Variants in NRXN1 observed in about 807,000 individuals in gnomAD.
NRXN1 encodes neurexin 1.
A neutral mutation model predicts 150.9 loss-of-function variants in NRXN1; 39 were observed. The ratio of observed to expected loss-of-function variants is 0.26; its 90% CI spans 0.20 to 0.34. The LOEUF is 0.34. NRXN1 is among the 10% of genes least tolerant of loss of function. The pLI, the probability that NRXN1 is intolerant of heterozygous loss-of-function variation, is 1.00. For missense variants in NRXN1, 1,815 were observed against 1,949.9 expected (o/e 0.93, Z 1.30); for synonymous variants, 924 against 757.0 (o/e 1.22, Z -3.62).
chr2:50,304,922 T>C (rs2074478276), intron 17 of NRXN1, among the ~76,000 whole-genome samples: 1 of 152,068 alleles, frequency 6.6e-6, no homozygotes, highest in Non-Finnish European at 1.5e-5. Context: ...AAACCCCGTG[T>C]CTACTAAAAA....
chr2:51,006,430 T>C (rs945549974), intron 2 of NRXN1, among the ~76,000 whole-genome samples: 3 of 151,782 alleles, frequency 2.0e-5, no homozygotes, highest in African/African-American at 4.8e-5. Flanking sequence ...AGCATTAGGA[T>C]ATATACCTAA....
intron 15 of NRXN1, among the ~76,000 whole-genome samples, chr2:50,482,629 A>C (rs1450113758): frequency 6.6e-6 from 1 of 152,094 alleles, no homozygotes; most frequent in East Asian, 1.9e-4. Context: ...CTTTTTTCAG[A>C]AGCTTTTGAA....
intron 2 of NRXN1, among the ~76,000 whole-genome samples, chr2:51,004,325 T>G (rs987477702): frequency 1.3e-5 from 2 of 151,990 alleles, no homozygotes; most frequent in Non-Finnish European, 2.9e-5. Context: ...ACATAAAGTA[T>G]TTGCTTTCAG....
intron 17 of NRXN1, among the ~76,000 whole-genome samples, chr2:50,430,324 T>C (rs1572942015): frequency 6.7e-6 from 1 of 148,700 alleles, no homozygotes; most frequent in African/African-American, 2.5e-5. Context: ...CAATGACTCC[T>C]GGGCAGGTAG....
intron 5 of NRXN1, among the ~76,000 whole-genome samples, chr2:50,787,423 A>C (rs542275418): frequency 1.3e-5 from 2 of 151,946 alleles, no homozygotes; most frequent in East Asian, 3.9e-4. Flanking sequence ...TTAGCCAAGC[A>C]TGTTGGCGGG....
chr2:50,243,731 A>T (rs539861605), intron 17 of NRXN1, among the ~76,000 whole-genome samples: 2 of 151,952 alleles, frequency 1.3e-5, no homozygotes, highest in South Asian at 4.1e-4. Flanking sequence ...TTTTAAGGGG[A>T]TCAGAGGAGG....
At position 50,091,411 on chromosome 2, in the gene NRXN1, C is replaced by A. The variant is rs200865423; in HGVS notation, c.3630G>T (p.Gly1210=). 6 of 1,614,094 alleles carry A rather than the reference C, an allele frequency of 3.7e-6. No homozygotes were observed. The African/African-American group carries it at 8.0e-5, about 22-fold the overall frequency. ...IEESNAIIND[G]KYHVVRFTRS... ...TCGTGAAACGAACTACATGGTATTT[C>A]CCATCATTAATGATTGCATTGGATT... Residue 1210 remains glycine (G), a synonymous_variant, in exon 19 of 23, where the codon GGG becomes GGT. Coordinates refer to ENST00000401669, the MANE Select transcript of NRXN1 (RefSeq NM_001330078.2).
At chr2:50,841,588 A>T (rs1410571465) in intron 5 of NRXN1, among the ~76,000 whole-genome samples, 4 of 152,190 alleles carry the variant, frequency 2.6e-5, no homozygotes, top group African/African-American at 9.6e-5. Flanking sequence ...CCTCAATTTA[A>T]TATCTGTTAT....
At chr2:50,145,609 T>TAAA (rs1707896598) in intron 18 of NRXN1, among the ~76,000 whole-genome samples, 1 of 151,566 alleles carries the variant, frequency 6.6e-6, no homozygotes, top group South Asian at 2.1e-4. Flanking sequence ...AAGGAAGAGA[T>TAAA]TCCTTATTTT....
At chr2:50,730,130 T>G (rs1430225193) in intron 5 of NRXN1, among the ~76,000 whole-genome samples, 4 of 151,918 alleles carry the variant, frequency 2.6e-5, no homozygotes, top group African/African-American at 9.7e-5. Flanking sequence ...GAAGAAGAGT[T>G]TTTTTTCACA....
intron 21 of NRXN1, among the ~76,000 whole-genome samples, chr2:49,956,601 G>A (rs576095287): frequency 1.3e-5 from 2 of 152,084 alleles, no homozygotes; most frequent in Admixed American, 6.6e-5. Flanking sequence ...AGTCCAAGGA[G>A]CAAATGCTGT....
At chr2:50,208,855 C>T (rs2062808143) in intron 18 of NRXN1, among the ~76,000 whole-genome samples, 1 of 152,114 alleles carries the variant, frequency 6.6e-6, no homozygotes, top group South Asian at 2.1e-4. Context: ...GATGTTAAAA[C>T]ATTTGGGTCT....
chr2:50,230,077 T>C (rs931750661), intron 18 of NRXN1, among the ~76,000 whole-genome samples: 1 of 152,030 alleles, frequency 6.6e-6, no homozygotes, highest in Non-Finnish European at 1.5e-5. Context: ...AGCTAGGTAA[T>C]GTCCTAGGAA....
chr2:49,970,417 G>A (rs552133476), intron 21 of NRXN1: 1 of 152,120 alleles, frequency 6.6e-6, no homozygotes, highest in African/African-American at 2.4e-5. Flanking sequence ...CTTTTTAATA[G>A]TTGTTACTCA....
chr2:50,741,177 A>G (rs1397730363), intron 5 of NRXN1, among the ~76,000 whole-genome samples: 1 of 152,180 alleles, frequency 6.6e-6, no homozygotes, highest in African/African-American at 2.4e-5. Context: ...AAATAGGGTT[A>G]CCATTTATGA....
intron 5 of NRXN1, among the ~76,000 whole-genome samples, chr2:50,841,557 A>T (rs1672883292): frequency 6.6e-6 from 1 of 152,170 alleles, no homozygotes; most frequent in African/African-American, 2.4e-5. Context: ...TAAATGACCT[A>T]CGTTAGTCAC....
At chr2:50,172,722 C>G (rs976802777) in intron 18 of NRXN1, among the ~76,000 whole-genome samples, 3 of 152,106 alleles carry the variant, frequency 2.0e-5, no homozygotes, top group Admixed American at 6.6e-5. Context: ...AATCCCAGCA[C>G]TTTATGGGGC....
At chr2:50,107,539 A>ATATATATATATATATT (rs59921941) in intron 18 of NRXN1, among the ~76,000 whole-genome samples, 89 of 129,864 alleles carry the variant, frequency 6.9e-4, no homozygotes, top group African/African-American at 2.5e-3. Flanking sequence ...ATATATATAT[A>ATATATATATATATATT]TTTTTTTTTT....
At chr2:50,316,340 G>T (rs2075604923) in intron 17 of NRXN1, among the ~76,000 whole-genome samples, 1 of 152,010 alleles carries the variant, frequency 6.6e-6, no homozygotes, top group Non-Finnish European at 1.5e-5. Flanking sequence ...ATTGGGAATA[G>T]TTAAGATGCC....
Sources: gnomAD v4.1 joint callset for allele counts (sites outside exome capture counted in the v4.1 genomes callset) on GRCh38, gnomAD v4.1.1 for gene constraint, MANE v1.5 for transcripts, NCBI Gene and HGNC (gene_info 2026-07-23, HGNC 2026-07-21) for gene names.